The following ACVR2A variants were observed in gnomAD, a reference collection of about 807,000 sequenced individuals.
The protein encoded by ACVR2A is activin receptor type-2A.
A neutral mutation model predicts 61.4 loss-of-function variants in ACVR2A; 7 were observed. The ratio of observed to expected loss-of-function variants is 0.11; its 90% CI spans 0.06 to 0.21. The LOEUF is 0.21. ACVR2A is among the 10% of genes least tolerant of loss of function. ACVR2A has a pLI of 1.00. For synonymous variants in ACVR2A, 193 were observed against 208.3 expected, an observed-to-expected ratio of 0.93 and a Z score of 0.63; for missense variants, 322 against 621.7, an observed-to-expected ratio of 0.52 and a Z score of 5.13.
In ACVR2A at chr2:147,928,531, G is replaced by A. The variant is rs568252477; in HGVS notation, c.*1257G>A. ...GATATTAAACTTTAAGCAGATTTCA[G>A]ATGTTACTGCTTTAAAACAAATCAG... On this transcript the variant is annotated 3_prime_UTR_variant, in exon 11 of 11. Coordinates refer to ENST00000241416, the MANE Select transcript of ACVR2A (RefSeq NM_001616.5). 6.6e-6 allele frequency: 1 copy of A among 152,280 alleles called. No individual in the cohort carries two copies. Among genetic ancestry groups the A allele is most frequent in the Non-Finnish European group, 1.5e-5 (1 of 67,864 alleles). The allele number at this position is 152,280 out of a possible 1,614,324, so 9.4% of individuals were successfully genotyped here. A position where few individuals can be genotyped will look rare whatever the true frequency, so the allele number is the denominator to read the frequency against.
At chr2:147,916,414 G>GT (rs1687250549) in intron 5 of ACVR2A, among the ~76,000 whole-genome samples, 1 of 151,902 alleles carries the variant, frequency 6.6e-6, no homozygotes, top group African/African-American at 2.4e-5. Context: ...ATTGGGTCAG[G>GT]TAGGGGTGTT....
chr2:147,865,433 A>G (rs538425940), intron 1 of ACVR2A, among the ~76,000 whole-genome samples: 3 of 152,206 alleles, frequency 2.0e-5, no homozygotes, highest in East Asian at 1.9e-4. Context: ...TGACTTTTCT[A>G]TAAGTTTGAC....
chr2:147,846,118 G>GAAATTCTATA (rs1685307349), intron 1 of ACVR2A, among the ~76,000 whole-genome samples: 1 of 152,074 alleles, frequency 6.6e-6, no homozygotes, highest in Non-Finnish European at 1.5e-5. Flanking sequence ...TTTTGTATTT[G>GAAATTCTATA]AAATTCTATA....
At chr2:147,924,573 A>G (rs1297215267) in intron 9 of ACVR2A, among the ~76,000 whole-genome samples, 1 of 152,018 alleles carries the variant, frequency 6.6e-6, no homozygotes, top group African/African-American at 2.4e-5. Context: ...CTTTTCTTAA[A>G]TGCCATGAAA....
At chr2:147,862,176 A>G (rs1216149036) in intron 1 of ACVR2A, among the ~76,000 whole-genome samples, 1 of 152,128 alleles carries the variant, frequency 6.6e-6, no homozygotes, top group Non-Finnish European at 1.5e-5. Flanking sequence ...TGCTTTGCAG[A>G]TAATCTTTGT....
chr2:147,895,607 C>T (rs538443557), intron 1 of ACVR2A, among the ~76,000 whole-genome samples: 4 of 152,154 alleles, frequency 2.6e-5, no homozygotes, highest in East Asian at 1.9e-4. Context: ...TGAGGTCTGC[C>T]GTTGTGGTTG....
rs1039431572 is a variant in ACVR2A at position 147,926,669 on chromosome 2, G to C, written c.1348-411G>C. ...CAGTCTAAATATAACTAGAAACCTG[G>C]CTAAAACCAGGTAGAGAAATCCCAA... On this transcript the variant is annotated intron_variant, in intron 10 of 10. Coordinates refer to ENST00000241416, the MANE Select transcript of ACVR2A (RefSeq NM_001616.5). 3.3e-5 allele frequency among the ~76,000 whole-genome samples: 5 copies of C among 151,896 alleles called. 1 individual carries two copies. In the South Asian group the frequency reaches 8.3e-4, roughly 25 times the overall value.
At chr2:147,912,278 A>G (rs1285841699) in intron 4 of ACVR2A, among the ~76,000 whole-genome samples, 2 of 151,980 alleles carry the variant, frequency 1.3e-5, no homozygotes, top group Non-Finnish European at 2.9e-5. Context: ...TGATACCATA[A>G]TTTTTACATA....
At chr2:147,921,236 A>G (rs1573712820) in intron 8 of ACVR2A, among the ~76,000 whole-genome samples, 1 of 151,914 alleles carries the variant, frequency 6.6e-6, no homozygotes, top group South Asian at 2.1e-4. Context: ...GGTTTCACCA[A>G]GTTGGCCAGG....
intron 2 of ACVR2A, among the ~76,000 whole-genome samples, chr2:147,898,849 CT>C (rs1686806350): frequency 6.6e-6 from 1 of 151,994 alleles, no homozygotes; most frequent in Non-Finnish European, 1.5e-5. Flanking sequence ...CTACTTATTG[CT>C]GCTCATCTCA....
chr2:147,884,728 T>C (rs1686387407), intron 1 of ACVR2A, among the ~76,000 whole-genome samples: 1 of 152,214 alleles, frequency 6.6e-6, no homozygotes, highest in African/African-American at 2.4e-5. Context: ...CTCTGTATTC[T>C]AATTTGACAA....
At chr2:147,894,544 T>G (rs1278323905) in intron 1 of ACVR2A, among the ~76,000 whole-genome samples, 1 of 152,102 alleles carries the variant, frequency 6.6e-6, no homozygotes, top group Non-Finnish European at 1.5e-5. Flanking sequence ...GTTCTCTGAA[T>G]TATGTAGACT....
intron 1 of ACVR2A, 63 bp downstream of exon 1, chr2:147,845,270 GC>G: frequency 1.3e-6 from 2 of 1,534,760 alleles, no homozygotes; most frequent in Admixed American, 3.5e-5. Flanking sequence ...GCTGCTGGGG[GC>G]CGCGGCTGGT....
chr2:147,853,181 A>C (rs1685487945), intron 1 of ACVR2A, among the ~76,000 whole-genome samples: 1 of 152,164 alleles, frequency 6.6e-6, no homozygotes, highest in African/African-American at 2.4e-5. Flanking sequence ...ATATAGTTTT[A>C]GATGATAAGC....
intron 4 of ACVR2A, among the ~76,000 whole-genome samples, chr2:147,901,193 C>G (rs573242764): frequency 6.6e-6 from 1 of 151,984 alleles, no homozygotes; most frequent in South Asian, 2.1e-4. Flanking sequence ...TACACTTTAC[C>G]TTCTGTCAGT....
At chr2:147,883,253 C>T (rs928879381) in intron 1 of ACVR2A, among the ~76,000 whole-genome samples, 8 of 152,278 alleles carry the variant, frequency 5.3e-5, no homozygotes, top group South Asian at 2.1e-4. Flanking sequence ...TGCAATGGCA[C>T]GATCTCAGCT....
At chr2:147,855,305 A>G (rs2105136918) in intron 1 of ACVR2A, among the ~76,000 whole-genome samples, 1 of 152,230 alleles carries the variant, frequency 6.6e-6, no homozygotes, top group East Asian at 1.9e-4. Flanking sequence ...CTCAGTGAAT[A>G]TTTAACTAGC....
intron 4 of ACVR2A, chr2:147,900,681 G>A (rs898544432): frequency 3.3e-5 from 5 of 151,958 alleles, no homozygotes; most frequent in Admixed American, 6.6e-5. Flanking sequence ...ACAGGTCTAC[G>A]AAAACTGATA....
At chr2:147,921,169 G>C (rs1452243371) in intron 8 of ACVR2A, among the ~76,000 whole-genome samples, 1 of 152,062 alleles carries the variant, frequency 6.6e-6, no homozygotes, top group East Asian at 1.9e-4. Context: ...GAGTAGCTGG[G>C]ATTACACACA....
Sources: allele counts gnomAD v4.1 joint callset (sites outside exome capture counted in the v4.1 genomes callset), GRCh38; gene constraint gnomAD v4.1.1; transcripts MANE v1.5; gene names NCBI Gene and HGNC (gene_info 2026-07-23, HGNC 2026-07-21).